CC2D2A: variants seen among roughly 807,000 people sequenced by gnomAD.
CC2D2A encodes coiled-coil and C2 domain containing 2A, also known as coiled-coil and C2 domain-containing protein 2A.
A neutral mutation model predicts 212.9 loss-of-function variants in CC2D2A; 155 were observed. The observed-to-expected ratio is 0.73, with a 90% CI of 0.64 to 0.83. The LOEUF (loss-of-function observed/expected upper bound fraction) is 0.83. Among genes scored for constraint, CC2D2A ranks in the 40% least tolerant of loss-of-function variants. CC2D2A has a pLI of 0.00. For missense variants in CC2D2A, 1,856 were observed against 1,956.2 expected, an observed-to-expected ratio of 0.95 and a Z score of 0.97; for synonymous variants, 667 against 686.5, an observed-to-expected ratio of 0.97 and a Z score of 0.44.
At chr4:15,549,587 G>C (rs1718888640) in intron 17 of CC2D2A, among the ~76,000 whole-genome samples, 1 of 152,220 alleles carries the variant, frequency 6.6e-6, no homozygotes, top group South Asian at 2.1e-4. Context: ...CAGATCACTT[G>C]AGGTCAGGAG....
At chr4:15,579,417 T>G (rs904224133) in intron 29 of CC2D2A, among the ~76,000 whole-genome samples, 2 of 152,190 alleles carry the variant, frequency 1.3e-5, no homozygotes, top group Non-Finnish European at 2.9e-5. Context: ...TCTTATACAT[T>G]TGATGTTTCT....
chr4:15,570,441 GA>G lies in CC2D2A; in HGVS notation c.3540del (p.Arg1180SerfsTer7), dbSNP rs1720104408. ...AGTGGAATCCATACTCGTATTGAGAGACACTGGCTGGGATGTGTGAAAATGC... is the reference window on the plus strand; with the variant it reads ...AGTGGAATCCATACTCGTATTGAGAGCACTGGCTGGGATGTGTGAAAATGC... ...RGSGIHTRIERHWLGCVKMPF... is the reference protein window; with the variant it reads ...RGSGIHTRIEXHWLGCVKMPF... On this transcript the variant is annotated frameshift_variant, in exon 28 of 37. Transcript: ENST00000424120. LOFTEE classifies it high-confidence loss of function. 2 of 1,608,336 alleles carry G rather than the reference GA, an allele frequency of 1.2e-6. No homozygotes were observed. Among genetic ancestry groups the G allele is most frequent in the South Asian group, 2.2e-5 (2 of 89,896 alleles).
chr4:15,476,291 A>G (rs1164492773), intron 2 of CC2D2A, among the ~76,000 whole-genome samples: 1 of 152,182 alleles, frequency 6.6e-6, no homozygotes, highest in African/African-American at 2.4e-5. Flanking sequence ...ACACAGTCTG[A>G]TCAGTAGGCC....
rs542723059 is a variant in CC2D2A, at chr4:15,589,938, C to A, written c.4314+259C>A. 7.2e-4 allele frequency among the ~76,000 whole-genome samples: 109 copies of A among 152,180 alleles called. 1 individual carries two copies. The highest frequency in any genetic ancestry group is 5.7e-4 in the Non-Finnish European group (39 of 67,994). The stretch of plus-strand genomic sequence containing the variant: ...GACAAAGCAGAATAACAAAGGAATA[C>A]AGGATTTAGATTCAGAGGACCTGAG... On this transcript the variant is annotated intron_variant, in intron 33 of 36. Transcript: ENST00000424120.
At chr4:15,553,956 T>C (rs1017029077) in intron 19 of CC2D2A, among the ~76,000 whole-genome samples, 1 of 152,210 alleles carries the variant, frequency 6.6e-6, no homozygotes, top group Non-Finnish European at 1.5e-5. Context: ...AATAAAAGGA[T>C]TCATTGTGAT....
chr4:15,482,440 G>A, intron 4 of CC2D2A: 1 of 413,428 alleles, frequency 2.4e-6, no homozygotes, highest in South Asian at 1.0e-4. Context: ...TGCCAGCATG[G>A]CCGGTTTCCA....
At chr4:15,593,991 T>C (rs572886015) in intron 33 of CC2D2A, among the ~76,000 whole-genome samples, 3 of 152,284 alleles carry the variant, frequency 2.0e-5, no homozygotes, top group African/African-American at 7.2e-5. Context: ...ATCTTCATAA[T>C]GGCCTACGGG....
In CC2D2A at chr4:15,510,176, A is replaced by G; in HGVS notation, c.476A>G (p.Asp159Gly). ...KEVERTQQEVDSQSYSRVKFH... is the reference protein window; with the variant it reads ...KEVERTQQEVGSQSYSRVKFH... ...GTAGAAAGGACTCAACAAGAAGTTGACTCCCAAAGTTACTCAAGAGTCAAG... is the reference window on the plus strand; with the variant it reads ...GTAGAAAGGACTCAACAAGAAGTTGGCTCCCAAAGTTACTCAAGAGTCAAG... Residue 159 changes from aspartate (D) to glycine (G), a missense_variant, in exon 7 of 37, where the codon GAC (aspartate) becomes GGC (glycine). Physicochemically the swap from Asp to Gly is moderately conservative, Grantham distance 94. Coordinates refer to ENST00000424120, the MANE Select transcript of CC2D2A (RefSeq NM_001378615.1). The G allele has an allele frequency of 6.2e-7, 1 of 1,613,508 alleles. No homozygotes were observed. Among genetic ancestry groups the G allele is most frequent in the Non-Finnish European group, 8.5e-7 (1 of 1,179,728 alleles).
intron 1 of CC2D2A, among the ~76,000 whole-genome samples, chr4:15,472,712 C>A (rs1168996443): frequency 1.3e-5 from 2 of 150,320 alleles, no homozygotes; most frequent in South Asian, 2.1e-4. Context: ...TGTACTTTTG[C>A]ATTTCATCTT....
In CC2D2A at chr4:15,559,205, C is replaced by G; in HGVS notation, c.2870C>G (p.Thr957Ser). 6.4e-7 allele frequency: 1 copy of G among 1,552,974 alleles called. No homozygotes were observed. The highest frequency in any genetic ancestry group is 8.7e-7 in the Non-Finnish European group (1 of 1,148,186). The change falls in exon 22 of 37, where the codon ACC (threonine) becomes AGC (serine). Residue 957 changes from threonine to serine, a missense_variant. Thr to Ser is a moderately conservative substitution (Grantham distance 58, BLOSUM62 1). Coordinates refer to ENST00000424120, the MANE Select transcript of CC2D2A (RefSeq NM_001378615.1). Reference sequence around the variant, plus strand: ...TTACGAGACAGAAATGTAATAGAAACCAAGGAACACATAGACACCCATAGG... The same window carrying G: ...TTACGAGACAGAAATGTAATAGAAAGCAAGGAACACATAGACACCCATAGG... ...KRLRDRNVIE[T>S]KEHIDTHRAI...
intron 24 of CC2D2A, among the ~76,000 whole-genome samples, chr4:15,566,779 C>A (rs2109069284): frequency 6.6e-6 from 1 of 152,102 alleles, no homozygotes; most frequent in Middle Eastern, 3.4e-3. Context: ...CAAGACCACC[C>A]TGAGCAACAT....
chr4:15,492,903 T>G, intron 4 of CC2D2A: 1 of 554,978 alleles, frequency 1.8e-6, no homozygotes, highest in East Asian at 4.5e-5. Context: ...GGGTGCTCAG[T>G]GTAGCCCAGA....
rs142471781 is a variant in CC2D2A at position 15,505,688 on chromosome 4, C to T, written c.438+2765C>T. Among the ~76,000 whole-genome samples, 222 of 152,272 alleles carry T rather than the reference C, an allele frequency of 1.5e-3. 2 individuals carry two copies. The highest frequency in any genetic ancestry group is 4.9e-3 in the African/African-American group (205 of 41,536). On this transcript the variant is annotated intron_variant, in intron 6 of 36. Coordinates refer to ENST00000424120, the MANE Select transcript of CC2D2A (RefSeq NM_001378615.1). ...TAGTCCATGGCTTTCTTTGATCTGA[C>T]GCCCAAAGCACAAGTAACAAAAGGA... is the stretch of plus-strand genomic sequence containing the variant.
chr4:15,593,786 T>C (rs1038016742), intron 33 of CC2D2A, among the ~76,000 whole-genome samples: 1 of 152,194 alleles, frequency 6.6e-6, no homozygotes, highest in Admixed American at 6.5e-5. Flanking sequence ...ACTGCTAGCA[T>C]GTTCGTTCAA....
At chr4:15,512,681 C>A (rs747133887) in intron 8 of CC2D2A, among the ~76,000 whole-genome samples, 4 of 151,990 alleles carry the variant, frequency 2.6e-5, no homozygotes, top group African/African-American at 4.8e-5. Context: ...TAAAATGGGC[C>A]GGGTGCGGTG....
intron 20 of CC2D2A, among the ~76,000 whole-genome samples, chr4:15,555,568 A>G (rs1390953965): frequency 1.3e-5 from 2 of 152,152 alleles, no homozygotes; most frequent in Non-Finnish European, 2.9e-5. Flanking sequence ...GCGAAACCCT[A>G]TCTCTGCAAA....
At chr4:15,492,710 TG>T in intron 4 of CC2D2A, 2 of 780,284 alleles carry the variant, frequency 2.6e-6, no homozygotes, top group Non-Finnish European at 2.1e-6. Context: ...CTGGGTCTGG[TG>T]GTCCAGGGGT....
At chr4:15,482,442 C>G in intron 4 of CC2D2A, 1 of 384,524 alleles carries the variant, frequency 2.6e-6, no homozygotes, top group Non-Finnish European at 3.6e-6. Context: ...CCAGCATGGC[C>G]GGTTTCCAGT....
intron 4 of CC2D2A, among the ~76,000 whole-genome samples, chr4:15,494,198 CACCG>C (rs1421399025): frequency 6.6e-6 from 1 of 152,168 alleles, no homozygotes; most frequent in Non-Finnish European, 1.5e-5. Flanking sequence ...AGCATGAGAG[CACCG>C]AGTCTTGTCC....
Sources: gnomAD v4.1 joint callset for allele counts (sites outside exome capture counted in the v4.1 genomes callset) on GRCh38, gnomAD v4.1.1 for gene constraint, MANE v1.5 for transcripts, NCBI Gene and HGNC (gene_info 2026-07-23, HGNC 2026-07-21) for gene names.